The following USP3 variants were observed in gnomAD, a reference collection of about 807,000 sequenced individuals.
The protein encoded by USP3 is ubiquitin specific peptidase 3, also known as ubiquitin carboxyl-terminal hydrolase 3.
A neutral mutation model predicts 72.3 loss-of-function variants in USP3; 20 were observed. That is an observed-to-expected ratio of 0.28 (90% CI 0.19 to 0.40). The LOEUF is 0.40. Ranked by LOEUF, USP3 falls within the 10% of genes least tolerant of loss-of-function variation. The probability of loss-of-function intolerance (pLI) is 1.00; values close to 1 mark genes in which losing one functional copy is unlikely to be tolerated. For synonymous variants in USP3, 222 were observed against 225.3 expected, an observed-to-expected ratio of 0.99 and a Z score of 0.13; for missense variants, 479 against 633.9, an observed-to-expected ratio of 0.76 and a Z score of 2.62.
intron 11 of USP3, among the ~76,000 whole-genome samples, chr15:63,579,574 A>G (rs868759917): frequency 2.4e-4 from 36 of 152,202 alleles, no homozygotes; most frequent in Admixed American, 3.3e-4. Context: ...TGAGGTTTCA[A>G]TATTTAAATG....
At chr15:63,559,201 G>C (rs936594333) in intron 6 of USP3, among the ~76,000 whole-genome samples, 6 of 152,200 alleles carry the variant, frequency 3.9e-5, no homozygotes, top group African/African-American at 1.4e-4. Context: ...CATAAGATGA[G>C]ATGTCTTCAA....
At chr15:63,530,116 G>A (rs1323593698) in intron 1 of USP3, among the ~76,000 whole-genome samples, 3 of 152,118 alleles carry the variant, frequency 2.0e-5, no homozygotes, top group African/African-American at 4.8e-5. Context: ...CAGCCTGGGC[G>A]ACAGAGTGAG....
chr15:63,545,846 C>G (rs2066313678), intron 3 of USP3, among the ~76,000 whole-genome samples: 1 of 151,794 alleles, frequency 6.6e-6, no homozygotes, highest in South Asian at 2.1e-4. Context: ...TGGCACGTGT[C>G]TGTAGTCTCA....
chr15:63,567,186 C>G (rs886740689), intron 8 of USP3, among the ~76,000 whole-genome samples: 1 of 152,028 alleles, frequency 6.6e-6, no homozygotes, highest in Non-Finnish European at 1.5e-5. Context: ...TGCAAACTAA[C>G]GTTTTATTTG....
chr15:63,546,533 A>G (rs2066330636), intron 3 of USP3, among the ~76,000 whole-genome samples: 1 of 152,214 alleles, frequency 6.6e-6, no homozygotes, highest in African/African-American at 2.4e-5. Context: ...AAAAGCTTCA[A>G]TACAACTGTA....
Position 63,559,892 on chromosome 15 carries a change from T to C in USP3, c.569T>C (p.Leu190Pro), listed in dbSNP as rs1310949870. 1 of 1,613,906 alleles carries C rather than the reference T, an allele frequency of 6.2e-7. No individual in the cohort carries two copies. Among genetic ancestry groups the C allele is most frequent in the Non-Finnish European group, 8.5e-7 (1 of 1,179,958 alleles). Residue 190 changes from leucine (L) to proline (P), a missense_variant, in exon 7 of 15, where the codon CTG (leucine) becomes CCG (proline). Transcript: ENST00000380324. ...CAGTTTTGCTGTTATTTCAAAGAAC[T>C]GCCCGCCGTGGAGTTAAGGAATGGG... Reference protein sequence around the residue: ...IEQFCCYFKELPAVELRNGKT... With the variant: ...IEQFCCYFKEPPAVELRNGKT...
chr15:63,524,791 T>G (rs947992482), intron 1 of USP3, among the ~76,000 whole-genome samples: 3 of 152,084 alleles, frequency 2.0e-5, no homozygotes, highest in African/African-American at 7.2e-5. Flanking sequence ...TTTCAAGCAA[T>G]AGCAAGAGGG....
At chr15:63,532,808 T>A in intron 2 of USP3, 101 bp downstream of exon 2, 1 of 1,235,882 alleles carries the variant, frequency 8.1e-7, no homozygotes, top group Non-Finnish European at 1.2e-6. Flanking sequence ...GTACCATTGT[T>A]AATCATAATG....
intron 1 of USP3, among the ~76,000 whole-genome samples, chr15:63,531,513 C>T (rs1342461692): frequency 6.6e-6 from 1 of 152,066 alleles, no homozygotes; most frequent in African/African-American, 2.4e-5. Flanking sequence ...TTGGGAGGAG[C>T]TATTAAACAG....
chr15:63,590,936 T>C lies in USP3; in HGVS notation c.*110T>C. Reference sequence around the variant, plus strand: ...ATTATGCACTTTTCAATTTCCTATTTTGGATTTAGTTTTGTCAATGGTAGT... The same window carrying C: ...ATTATGCACTTTTCAATTTCCTATTCTGGATTTAGTTTTGTCAATGGTAGT... On this transcript the variant is annotated 3_prime_UTR_variant, in exon 15 of 15. Coordinates refer to ENST00000380324, the MANE Select transcript of USP3 (RefSeq NM_006537.4). The C allele has an allele frequency of 1.5e-6, 2 of 1,348,474 alleles. No homozygotes were observed. Among genetic ancestry groups the C allele is most frequent in the Non-Finnish European group, 1.9e-6 (2 of 1,028,378 alleles). The allele number at this position is 1,348,474 out of a possible 1,614,324, so 83.5% of individuals were successfully genotyped here.
chr15:63,519,601 C>T (rs931922947), intron 1 of USP3, among the ~76,000 whole-genome samples: 3 of 152,134 alleles, frequency 2.0e-5, no homozygotes, highest in Non-Finnish European at 4.4e-5. Context: ...TATAAAGTTA[C>T]TATTTTCTCC....
intron 14 of USP3, 120 bp from the exon 15 acceptor site, chr15:63,590,541 A>G (rs1194271692): frequency 2.0e-6 from 2 of 985,732 alleles, no homozygotes; most frequent in African/African-American, 1.7e-5. Flanking sequence ...TTTAACAAGC[A>G]TCTTAAATCA....
intron 1 of USP3, among the ~76,000 whole-genome samples, chr15:63,506,054 C>T (rs757294724): frequency 1.3e-5 from 2 of 152,160 alleles, no homozygotes; most frequent in African/African-American, 2.4e-5. Flanking sequence ...GAAATAACTG[C>T]GGTTTCCTGG....
At chr15:63,568,944 A>G (rs1420092289) in intron 8 of USP3, among the ~76,000 whole-genome samples, 4 of 152,234 alleles carry the variant, frequency 2.6e-5, no homozygotes, top group African/African-American at 7.2e-5. Context: ...AAATCACGGT[A>G]TGGTTGGACA....
rs1218784320 is a variant in USP3, at chr15:63,570,887, T to C, written c.908+308T>C. 1.3e-5 allele frequency among the ~76,000 whole-genome samples: 2 copies of C among 152,240 alleles called. No homozygotes were observed. Among genetic ancestry groups the C allele is most frequent in the Non-Finnish European group, 2.9e-5 (2 of 68,048 alleles). On this transcript the variant is annotated intron_variant, in intron 9 of 14. Transcript: ENST00000380324. The surrounding 1 kb of genome is among the most constrained non-coding windows in gnomAD (Gnocchi z 4.4). The stretch of plus-strand genomic sequence containing the variant: ...GAAGATTTCCTCCAAATATACTGAA[T>C]GATAGGCAGGAGACTTAATTTTCAT...
intron 3 of USP3, among the ~76,000 whole-genome samples, chr15:63,551,144 G>A (rs2066430749): frequency 6.6e-6 from 1 of 152,122 alleles, no homozygotes; most frequent in Non-Finnish European, 1.5e-5. Context: ...TTTGACTGAA[G>A]CCAGTTCATA....
chr15:63,551,491 A>G (rs1320443497), intron 3 of USP3: 1 of 152,144 alleles, frequency 6.6e-6, no homozygotes, highest in East Asian at 1.9e-4. Context: ...AAAATGTTCA[A>G]ATAAACAATT....
intron 3 of USP3, among the ~76,000 whole-genome samples, chr15:63,547,864 C>CAG (rs2066371011): frequency 9.2e-5 from 1 of 10,886 alleles, no homozygotes; most frequent in South Asian, 2.0e-3. Context: ...GAGAGAGAGG[C>CAG]ATAGAGAGAG....
chr15:63,556,556 A>G (rs1265611066), intron 4 of USP3, 111 bp from the exon 5 acceptor site: 2 of 705,966 alleles, frequency 2.8e-6, no homozygotes, highest in South Asian at 2.4e-5. Context: ...CGAAGCAGTC[A>G]GGGAGGTCTC....
Sources: allele counts gnomAD v4.1 joint callset (sites outside exome capture counted in the v4.1 genomes callset), GRCh38; gene constraint gnomAD v4.1.1; non-coding constraint Gnocchi (gnomAD v3.1); transcripts MANE v1.5; gene names NCBI Gene and HGNC (gene_info 2026-07-23, HGNC 2026-07-21).